USH2A: variants seen among roughly 807,000 people sequenced by gnomAD.
USH2A encodes the protein Usher syndrome 2A (autosomal recessive, mild).
In USH2A, 443 loss-of-function variants were observed where a neutral mutation model predicts 538.9. That is an observed-to-expected ratio of 0.82 (90% confidence interval 0.76 to 0.89). The LOEUF is 0.89. Ranked by LOEUF, USH2A falls within the 40% of genes least tolerant of loss-of-function variation. USH2A has a pLI of 0.00. For missense variants in USH2A, 6,633 were observed against 6,324.8 expected (o/e 1.05, Z -1.65); for synonymous variants, 2,413 against 2,273.5 (o/e 1.06, Z -1.75).
intron 13 of USH2A, among the ~76,000 whole-genome samples, chr1:216,245,463 C>T (rs1003875744): frequency 7.6e-6 from 1 of 131,764 alleles, no homozygotes. Context: ...GAGGTAAAGT[C>T]CCCTTCTGAG....
At chr1:215,850,019 ATCT>A (rs1290573211) in intron 44 of USH2A, among the ~76,000 whole-genome samples, 14 of 152,270 alleles carry the variant, frequency 9.2e-5, no homozygotes, top group East Asian at 3.9e-4. Context: ...CTATCCAATA[ATCT>A]TCTTCAGAAG....
intron 32 of USH2A, among the ~76,000 whole-genome samples, chr1:216,045,364 A>T (rs888765346): frequency 6.6e-6 from 1 of 152,138 alleles, no homozygotes; most frequent in Non-Finnish European, 1.5e-5. Flanking sequence ...TTTTTCAAGA[A>T]TTTACTTCAT....
intron 5 of USH2A, among the ~76,000 whole-genome samples, chr1:216,326,136 A>G (rs946913296): frequency 6.6e-6 from 1 of 152,214 alleles, no homozygotes; most frequent in African/African-American, 2.4e-5. Context: ...AGATCCTGAC[A>G]TCCTGTAATG....
chr1:216,053,888 A>C (rs2030882453), intron 30 of USH2A, among the ~76,000 whole-genome samples: 1 of 152,188 alleles, frequency 6.6e-6, no homozygotes, highest in African/African-American at 2.4e-5. Flanking sequence ...CTGAAAGATC[A>C]GGGGGCAGGG....
At chr1:215,972,223 T>G (rs1390841099) in intron 35 of USH2A, among the ~76,000 whole-genome samples, 1 of 152,050 alleles carries the variant, frequency 6.6e-6, no homozygotes, top group Admixed American at 6.6e-5. Context: ...AACGTCCAGT[T>G]TCTAGCTCCA....
At chr1:216,375,744 T>A (rs2038805953) in intron 3 of USH2A, among the ~76,000 whole-genome samples, 2 of 152,176 alleles carry the variant, frequency 1.3e-5, no homozygotes, top group Admixed American at 1.3e-4. Flanking sequence ...ACCTGTCAAC[T>A]TTCTACATGC....
intron 40 of USH2A, among the ~76,000 whole-genome samples, chr1:215,890,088 G>A (rs1665170605): frequency 6.6e-6 from 1 of 152,118 alleles, no homozygotes. Flanking sequence ...TCACTGATCA[G>A]TAACAGCTGT....
intron 20 of USH2A, among the ~76,000 whole-genome samples, chr1:216,185,535 G>A (rs562424183): frequency 5.2e-4 from 79 of 151,882 alleles, no homozygotes; most frequent in African/African-American, 1.7e-3. Context: ...ATGGTCACTC[G>A]TTTCCATTGA....
In USH2A at chr1:216,053,033, G is replaced by A. The variant is rs539816823; in HGVS notation, c.6050-4386C>T. 2.0e-4 allele frequency among the ~76,000 whole-genome samples: 31 copies of A among 152,212 alleles called. No individual in the cohort carries two copies. The South Asian group carries it at 2.9e-3, about 14-fold the overall frequency. On this transcript the variant is annotated intron_variant, in intron 30 of 71. Transcript: ENST00000307340. The stretch of plus-strand genomic sequence containing the variant: ...ATTTATCAATGTTTCCGCTATATGC[G>A]TCTGGAAAAGGTGCTATAGAATACA...
At chr1:215,936,424 C>A (rs1421161011) in intron 37 of USH2A, among the ~76,000 whole-genome samples, 3 of 151,960 alleles carry the variant, frequency 2.0e-5, no homozygotes, top group Non-Finnish European at 4.4e-5. Context: ...TGAACTTGTT[C>A]TTGTATTCTT....
intron 21 of USH2A, chr1:216,174,129 T>A (rs1275966783): frequency 2.0e-6 from 2 of 985,180 alleles, no homozygotes; most frequent in Non-Finnish European, 2.4e-6. Context: ...CCAGTCTCAA[T>A]GAAAAGCAAA....
intron 67 of USH2A, among the ~76,000 whole-genome samples, chr1:215,644,634 T>C (rs974764897): frequency 1.3e-5 from 2 of 152,118 alleles, no homozygotes; most frequent in African/African-American, 2.4e-5. Flanking sequence ...GGATTGAACA[T>C]TGAAAGTTCA....
chr1:216,151,710 A>G (rs1333128591), intron 21 of USH2A, among the ~76,000 whole-genome samples: 1 of 152,152 alleles, frequency 6.6e-6, no homozygotes, highest in Non-Finnish European at 1.5e-5. Context: ...GACTCTGCAT[A>G]TTCTTAAATG....
chr1:216,229,667 C>T (rs750038166), intron 14 of USH2A, among the ~76,000 whole-genome samples: 10 of 151,988 alleles, frequency 6.6e-5, no homozygotes, highest in Non-Finnish European at 1.0e-4. Context: ...TAGCTTATAC[C>T]CACTTCTTTG....
chr1:215,776,290 GAT>G (rs1383985732), intron 55 of USH2A, among the ~76,000 whole-genome samples: 1 of 152,200 alleles, frequency 6.6e-6, no homozygotes, highest in African/African-American at 2.4e-5. Context: ...AGCTCAGTGA[GAT>G]AGCAGAAAAC....
intron 30 of USH2A, among the ~76,000 whole-genome samples, chr1:216,063,559 A>T (rs934425464): frequency 1.3e-5 from 2 of 152,238 alleles, no homozygotes; most frequent in African/African-American, 4.8e-5. Context: ...TTGGCAAGAA[A>T]TGTAGTGAAA....
intron 14 of USH2A, among the ~76,000 whole-genome samples, chr1:216,224,684 G>A (rs942408537): frequency 9.2e-5 from 14 of 151,918 alleles, no homozygotes; most frequent in African/African-American, 1.5e-4. Flanking sequence ...TTGCCCTTGG[G>A]AATACAAAAA....
At chr1:216,025,832 T>G (rs928758255) in intron 32 of USH2A, among the ~76,000 whole-genome samples, 1 of 152,098 alleles carries the variant, frequency 6.6e-6, no homozygotes, top group African/African-American at 2.4e-5. Context: ...ATTTATGATC[T>G]GCATCCTCTT....
At chr1:216,393,300 T>C (rs1453180553) in intron 3 of USH2A, among the ~76,000 whole-genome samples, 5 of 152,226 alleles carry the variant, frequency 3.3e-5, no homozygotes, top group Non-Finnish European at 7.3e-5. Flanking sequence ...CCTTACTTAG[T>C]TTTAAAATTA....
Sources: gnomAD v4.1 joint callset for allele counts (sites outside exome capture counted in the v4.1 genomes callset) on GRCh38, gnomAD v4.1.1 for gene constraint, MANE v1.5 for transcripts, NCBI Gene and HGNC (gene_info 2026-07-23, HGNC 2026-07-21) for gene names.